The following NINL variants were observed in gnomAD, a reference collection of about 807,000 sequenced individuals.
NINL encodes ninein like, also known as ninein-like protein.
NINL carries 153 observed loss-of-function variants against 160.3 expected under a neutral mutation model. The ratio of observed to expected loss-of-function variants is 0.95; its 90% CI spans 0.84 to 1.09. The LOEUF is 1.09. Ranked by LOEUF, NINL falls within the 50% of genes least tolerant of loss-of-function variation. The pLI is 0.00. For synonymous variants in NINL, 800 were observed against 734.8 expected (o/e 1.09, Z -1.43); for missense variants, 1,829 against 1,764.0 (o/e 1.04, Z -0.66).
At position 25,479,092 on chromosome 20, in the gene NINL, C is replaced by G; in HGVS notation, c.2032G>C (p.Asp678His). The G allele has an allele frequency of 6.2e-7, 1 of 1,613,530 alleles. No individual in the cohort carries two copies. The highest frequency in any genetic ancestry group is 8.5e-7 in the Non-Finnish European group (1 of 1,180,028). Residue 678 changes from aspartate (D) to histidine (H), a missense_variant, in exon 16 of 24, where the codon GAC becomes CAC. Transcript: ENST00000278886. Reference sequence around the variant, plus strand: ...GACTTCTCGTGGAGCTCCTCCAGGTCGGCCTTCTGACCCTCCAGCACGCTG... The same window carrying G: ...GACTTCTCGTGGAGCTCCTCCAGGTGGGCCTTCTGACCCTCCAGCACGCTG... ...EVSVLEGQKA[D>H]LEELHEKSQE...
chr20:25,535,180 C>T (rs1447539639), intron 1 of NINL, among the ~76,000 whole-genome samples: 1 of 152,134 alleles, frequency 6.6e-6, no homozygotes, highest in Non-Finnish European at 1.5e-5. Context: ...GAGACAAACG[C>T]CACAGACCTT....
In NINL at chr20:25,482,571, G is replaced by A. The variant is rs187819597; in HGVS notation, c.1678-471C>T. On this transcript the variant is annotated intron_variant, in intron 13 of 23. Transcript: ENST00000278886. ...TCACCATGTTGGCCAGGCTGGTCTC[G>A]AACTCCTGGCCTCAAGTGATATACC... Among the ~76,000 whole-genome samples, 696 of 151,722 alleles carry A rather than the reference G, an allele frequency of 4.6e-3. 7 individuals are homozygous for A. The highest frequency in any genetic ancestry group is 0.016 in the African/African-American group (679 of 41,412).
chr20:25,565,601 G>A (rs2064990536), intron 1 of NINL, among the ~76,000 whole-genome samples: 1 of 152,200 alleles, frequency 6.6e-6, no homozygotes, highest in Non-Finnish European at 1.5e-5. Context: ...CAATGGAGGG[G>A]CAAGATAAAA....
chr20:25,570,005 C>T (rs1260776278), intron 1 of NINL, among the ~76,000 whole-genome samples: 1 of 151,620 alleles, frequency 6.6e-6, no homozygotes, highest in Admixed American at 6.6e-5. Flanking sequence ...ATGGCAAAAC[C>T]CTGTCTCCAC....
At chr20:25,531,876 G>T (rs559731120) in intron 1 of NINL, among the ~76,000 whole-genome samples, 10 of 152,080 alleles carry the variant, frequency 6.6e-5, no homozygotes, top group Admixed American at 1.3e-4. Context: ...CCAGCTGGGG[G>T]TGCCTGGCCT....
At chr20:25,522,929 T>G (rs959795237) in intron 2 of NINL, among the ~76,000 whole-genome samples, 17 of 152,204 alleles carry the variant, frequency 1.1e-4, no homozygotes, top group Non-Finnish European at 5.9e-5. Flanking sequence ...TAGAGGTACT[T>G]TCAACTTCAA....
rs927842809 is a variant in NINL, at chr20:25,577,285, G to A, written c.-12+8170C>T. Reference sequence around the variant, plus strand: ...CTCACTGGTCCACATGGAGACACGCGTCCCCAAGTCTGTTCAAGGCCCTGC... The same window carrying A: ...CTCACTGGTCCACATGGAGACACGCATCCCCAAGTCTGTTCAAGGCCCTGC... On this transcript the variant is annotated intron_variant, in intron 1 of 23. Transcript: ENST00000278886. Among the ~76,000 whole-genome samples, 6 of 152,142 alleles carry A rather than the reference G, an allele frequency of 3.9e-5. No homozygotes were observed. The South Asian group carries it at 8.3e-4, about 21-fold the overall frequency.
chr20:25,506,717 C>G (rs1053357122), intron 5 of NINL, among the ~76,000 whole-genome samples: 2 of 152,166 alleles, frequency 1.3e-5, no homozygotes, highest in African/African-American at 4.8e-5. Flanking sequence ...AAGTGAAGAT[C>G]ACAACGGTCC....
intron 3 of NINL, 47 bp from the exon 4 acceptor site, chr20:25,513,053 T>A (rs1485108267): frequency 6.4e-7 from 1 of 1,562,162 alleles, no homozygotes; most frequent in Non-Finnish European, 8.7e-7. Context: ...ATAGCAGTTC[T>A]GGGCCCATGC....
At chr20:25,514,241 A>G (rs448212) in intron 3 of NINL, among the ~76,000 whole-genome samples, 4,124 of 152,316 alleles carry the variant, frequency 0.027, 180 homozygotes, top group African/African-American at 0.09. Flanking sequence ...ACGCTTTAGC[A>G]AAGAGCCTGG....
chr20:25,505,163 CT>C, intron 5 of NINL, 85 bp from the exon 6 acceptor site: 1 of 1,282,082 alleles, frequency 7.8e-7, no homozygotes, highest in Non-Finnish European at 1.1e-6. Context: ...ACGTTCTGCC[CT>C]TTCCAACAGC....
At chr20:25,537,134 G>A in intron 1 of NINL, among the ~76,000 whole-genome samples, 1 of 152,116 alleles carries the variant, frequency 6.6e-6, no homozygotes. Flanking sequence ...GTTGGCTGGG[G>A]TGCAGTGGCG....
At chr20:25,521,058 C>T (rs1279248416) in intron 2 of NINL, among the ~76,000 whole-genome samples, 1 of 152,188 alleles carries the variant, frequency 6.6e-6, no homozygotes, top group African/African-American at 2.4e-5. Context: ...TACTTCTTCA[C>T]ATAATGCCCC....
intron 13 of NINL, among the ~76,000 whole-genome samples, chr20:25,485,340 C>T (rs532134975): frequency 6.6e-6 from 1 of 152,168 alleles, no homozygotes; most frequent in African/African-American, 2.4e-5. Flanking sequence ...TGGTTTAAAG[C>T]CTGTATCAAT....
rs376172057 is a variant in NINL, at chr20:25,517,294, C to T, written c.277+459G>A. On this transcript the variant is annotated intron_variant, in intron 3 of 23. Transcript: ENST00000278886. ...ACCCCCATTTCACACCCTCCTGACA[C>T]GGGGCCATCTGCAACCAAGAAGCAG... Among the ~76,000 whole-genome samples, 101 of 152,236 alleles carry T rather than the reference C, an allele frequency of 6.6e-4. 2 individuals carry two copies. In the South Asian group the frequency reaches 0.019, roughly 29 times the overall value.
intron 7 of NINL, 32 bp downstream of exon 7, chr20:25,503,920 G>GC: frequency 1.9e-6 from 3 of 1,613,566 alleles, no homozygotes; most frequent in South Asian, 2.2e-5. Flanking sequence ...AGCAGTGGTT[G>GC]CTGGGTTCAG....
intron 2 of NINL, among the ~76,000 whole-genome samples, chr20:25,523,414 G>C (rs931420873): frequency 6.6e-6 from 1 of 151,758 alleles, no homozygotes; most frequent in Non-Finnish European, 1.5e-5. Flanking sequence ...ACCACATCCA[G>C]CTACCTTTAA....
intron 9 of NINL, among the ~76,000 whole-genome samples, chr20:25,497,808 G>GA (rs778079579): frequency 1.3e-5 from 2 of 152,170 alleles, no homozygotes; most frequent in African/African-American, 4.8e-5. Context: ...CATGAGGGGG[G>GA]ACCTCATGTC....
At chr20:25,458,725 T>C (rs2090758909) in intron 21 of NINL, 196 bp from the exon 22 acceptor site, 1 of 614,888 alleles carries the variant, frequency 1.6e-6, no homozygotes, top group African/African-American at 1.8e-5. Context: ...AGCCAGCGCT[T>C]CCACACAGTG....
Sources: gnomAD v4.1 joint callset for allele counts (sites outside exome capture counted in the v4.1 genomes callset) on GRCh38, gnomAD v4.1.1 for gene constraint, MANE v1.5 for transcripts, NCBI Gene and HGNC (gene_info 2026-07-23, HGNC 2026-07-21) for gene names.